TNS1: variants seen among roughly 807,000 people sequenced by gnomAD.
TNS1 encodes tensin 1.
A neutral mutation model predicts 168.6 loss-of-function variants in TNS1; 62 were observed. The ratio of observed to expected loss-of-function variants is 0.37; its 90% CI spans 0.30 to 0.45. The LOEUF (loss-of-function observed/expected upper bound fraction) is 0.45. TNS1 is among the 20% of genes least tolerant of loss of function. The pLI, the probability that TNS1 is intolerant of heterozygous loss-of-function variation, is 1.00. For synonymous variants in TNS1, 934 were observed against 933.2 expected (o/e 1.00, Z -0.02); for missense variants, 2,240 against 2,339.4 (o/e 0.96, Z 0.88).
At chr2:217,805,556 C>T (rs1035137511) in intron 32 of TNS1, among the ~76,000 whole-genome samples, 1 of 11,500 alleles carries the variant, frequency 8.7e-5, no homozygotes, top group East Asian at 1.9e-3. Flanking sequence ...CCACACACCA[C>T]ACACACCACC....
intron 1 of TNS1, among the ~76,000 whole-genome samples, chr2:217,997,443 CT>C (rs981299565): frequency 9.9e-5 from 15 of 152,160 alleles, no homozygotes; most frequent in Non-Finnish European, 2.1e-4. Flanking sequence ...TCTCATTTTT[CT>C]TTCTGACACT....
At chr2:217,843,922 T>C (rs1319145500) in intron 19 of TNS1, among the ~76,000 whole-genome samples, 1 of 152,148 alleles carries the variant, frequency 6.6e-6, no homozygotes, top group Non-Finnish European at 1.5e-5. Flanking sequence ...CTTCCTTTTC[T>C]TTCACACTCA....
At chr2:218,030,744 T>C (rs7567441) in intron 1 of TNS1, among the ~76,000 whole-genome samples, 43,817 of 152,196 alleles carry the variant, frequency 0.29, 9,173 homozygotes, top group African/African-American at 0.59. Context: ...ACGCCCCCTC[T>C]GGTCTTCAGT....
At chr2:217,834,798 C>T (rs1023947953) in intron 21 of TNS1, among the ~76,000 whole-genome samples, 2 of 152,158 alleles carry the variant, frequency 1.3e-5, no homozygotes, top group African/African-American at 4.8e-5. Flanking sequence ...TAAAAAGACT[C>T]AAAACAAGTA....
upstream of TNS1, among the ~76,000 whole-genome samples, chr2:218,010,585 C>A (rs1356521156): frequency 6.6e-6 from 1 of 151,670 alleles, no homozygotes; most frequent in Non-Finnish European, 1.5e-5. Context: ...TTCTGAGGTT[C>A]GGGGAGCCGC....
At chr2:217,808,964 G>A (rs183594367) in intron 30 of TNS1, among the ~76,000 whole-genome samples, 11 of 152,342 alleles carry the variant, frequency 7.2e-5, no homozygotes, top group Middle Eastern at 6.8e-3. Context: ...AGAGGCCAGG[G>A]ACACTGTTAG....
chr2:217,997,231 T>C (rs1172423434), intron 1 of TNS1, among the ~76,000 whole-genome samples: 1 of 152,184 alleles, frequency 6.6e-6, no homozygotes, highest in African/African-American at 2.4e-5. Flanking sequence ...AACACGCATG[T>C]TCCCTTCTCC....
intron 18 of TNS1, among the ~76,000 whole-genome samples, chr2:217,853,104 T>C (rs1024230945): frequency 6.6e-6 from 1 of 151,898 alleles, no homozygotes; most frequent in Admixed American, 6.6e-5. Flanking sequence ...ATCATTCCCT[T>C]CTCACCATCC....
At chr2:218,003,547 G>A (rs1958610232), upstream of TNS1, among the ~76,000 whole-genome samples, 2 of 152,160 alleles carry the variant, frequency 1.3e-5, no homozygotes. Flanking sequence ...CCTTAACACA[G>A]AAGAAATAGG....
intron 3 of TNS1, among the ~76,000 whole-genome samples, chr2:217,962,392 G>A (rs570799098): frequency 1.1e-3 from 161 of 152,224 alleles, no homozygotes; most frequent in African/African-American, 3.8e-3. Context: ...GCAGTGAGCC[G>A]AGATCATGCC....
upstream of TNS1, among the ~76,000 whole-genome samples, chr2:218,014,623 G>A (rs1439039876): frequency 2.0e-5 from 3 of 152,278 alleles, no homozygotes; most frequent in East Asian, 3.9e-4. Context: ...AAAGTCCTTC[G>A]ATTGCTTTGA....
chr2:217,963,889 C>CAAAAAAAAAAAAAAAAA (rs58953604), intron 3 of TNS1, among the ~76,000 whole-genome samples: 20 of 126,352 alleles, frequency 1.6e-4, no homozygotes, highest in African/African-American at 2.4e-4. Context: ...ACTAAAAATA[C>CAAAAAAAAAAAAAAAAA]AAAAAAAAAA....
chr2:217,829,928 AG>A, intron 22 of TNS1: 1 of 1,611,186 alleles, frequency 6.2e-7, no homozygotes, highest in Non-Finnish European at 8.5e-7. Context: ...GAGGCAGGAA[AG>A]AAGGGCAGGT....
At chr2:217,844,568 T>A (rs1946395076) in intron 19 of TNS1, among the ~76,000 whole-genome samples, 1 of 152,192 alleles carries the variant, frequency 6.6e-6, no homozygotes. Flanking sequence ...TGCCCAGTGA[T>A]CCCGTTTACT....
At chr2:217,974,255 G>A (rs977330649) in intron 3 of TNS1, among the ~76,000 whole-genome samples, 3 of 152,138 alleles carry the variant, frequency 2.0e-5, no homozygotes, top group African/African-American at 7.2e-5. Context: ...AATTGAGAGT[G>A]TGAATTATAC....
At chr2:217,871,414 AC>A (rs1485581380) in intron 18 of TNS1, among the ~76,000 whole-genome samples, 1 of 152,136 alleles carries the variant, frequency 6.6e-6, no homozygotes, top group Non-Finnish European at 1.5e-5. Context: ...GGCTCTCAGC[AC>A]CCACATGTAG....
chr2:217,971,544 T>A (rs1490784337), intron 3 of TNS1, among the ~76,000 whole-genome samples: 1 of 152,260 alleles, frequency 6.6e-6, no homozygotes, highest in Non-Finnish European at 1.5e-5. Context: ...TGTGAACAAG[T>A]CGTCTTTTTA....
At chr2:217,973,899 G>T (rs1407847219) in intron 3 of TNS1, among the ~76,000 whole-genome samples, 5 of 152,218 alleles carry the variant, frequency 3.3e-5, no homozygotes, top group Non-Finnish European at 7.3e-5. Context: ...ATCAACAGTG[G>T]AATGGATAAA....
chr2:217,987,880 G>A (rs79902682), intron 2 of TNS1, among the ~76,000 whole-genome samples: 2,496 of 152,286 alleles, frequency 0.016, 58 homozygotes, highest in African/African-American at 0.056. Context: ...TTGGGTGGGT[G>A]AATGGATGGA....
Sources: gnomAD v4.1 joint callset for allele counts (sites outside exome capture counted in the v4.1 genomes callset) on GRCh38, gnomAD v4.1.1 for gene constraint, MANE v1.5 for transcripts, NCBI Gene and HGNC (gene_info 2026-07-23, HGNC 2026-07-21) for gene names.